Variants in RGL4 observed in about 807,000 individuals in gnomAD.
RGL4 encodes the protein ral-GDS-related protein.
A neutral mutation model predicts 49.6 loss-of-function variants in RGL4; 41 were observed. That is an observed-to-expected ratio of 0.83 (90% CI 0.64 to 1.07). The LOEUF is 1.07. RGL4 is among the 50% of genes least tolerant of loss of function. RGL4 has a pLI of 0.00. For synonymous variants in RGL4, 255 were observed against 238.0 expected (o/e 1.07, Z -0.66); for missense variants, 610 against 591.9 (o/e 1.03, Z -0.32).
chr22:23,695,874 GAGAA>G (rs747985623), intron 6 of RGL4, among the ~76,000 whole-genome samples: 9 of 152,196 alleles, frequency 5.9e-5, no homozygotes, highest in Non-Finnish European at 1.0e-4. Context: ...TTCCTCAGTG[GAGAA>G]AGAGAGAGTT....
rs146350825 is a variant in RGL4, at chr22:23,692,143, C to T, written c.113C>T (p.Thr38Met). 221 of 1,614,168 alleles carry T rather than the reference C, an allele frequency of 1.4e-4. 1 individual carries two copies. In the African/African-American group the frequency reaches 2.2e-3, roughly 16 times the overall value. Residue 38 changes from threonine (T) to methionine (M), a missense_variant, in exon 1 of 11, where the codon ACG becomes ATG. Coordinates refer to ENST00000290691, the MANE Select transcript of RGL4 (RefSeq NM_153615.2). ...EENVCGTPGR[T>M]RVCTALLYGQ... ...AATGTCTGTGGGACGCCAGGGCGCA[C>T]GAGGGTCTGTACAGCCCTGCTGTAT... is the stretch of plus-strand genomic sequence containing the variant.
Position 23,692,534 on chromosome 22 carries a change from G to A in RGL4, c.373+6G>A. 1 of 1,609,314 alleles carries A rather than the reference G, an allele frequency of 6.2e-7. No individual in the cohort carries two copies. Among genetic ancestry groups the A allele is most frequent in the African/African-American group, 1.3e-5 (1 of 74,868 alleles). On this transcript the variant is annotated splice_donor_region_variant and intron_variant, in intron 2 of 10. Coordinates refer to ENST00000290691, the MANE Select transcript of RGL4 (RefSeq NM_153615.2). ...CAACGAGGCCAAGCCAGATGGTGAG[G>A]GGGCTTGCAGTCTGCAAGACTTTCC...
rs1223463175 is a variant in RGL4 at position 23,692,371 on chromosome 22, A to AAACACTTCAGTTTACTATCAGCCC, written c.217_240dup (p.Asn73_Pro80dup). On this transcript the variant is annotated inframe_insertion, in exon 2 of 11. Coordinates refer to ENST00000290691, the MANE Select transcript of RGL4 (RefSeq NM_153615.2). ...CCATTTTGTTCAACTGGCCCCCCGA[A>AAACACTTCAGTTTACTATCAGCCC]AACACTTCAGTTTACTATCAGCCCC... 6.2e-6 allele frequency: 10 copies of AAACACTTCAGTTTACTATCAGCCC among 1,614,186 alleles called. No homozygotes were observed. The highest frequency in any genetic ancestry group is 8.5e-6 in the Non-Finnish European group (10 of 1,180,030).
Position 23,691,988 on chromosome 22 carries a change from C to G in RGL4, c.-43C>G, listed in dbSNP as rs1340971025. On this transcript the variant is annotated 5_prime_UTR_variant, in exon 1 of 11. Transcript: ENST00000290691. ...CTCCTCCCCCCGACATCTGCCCCTTCCCTCCTAACCCCAGGACCAGGGGAC... is the reference window on the plus strand; with the variant it reads ...CTCCTCCCCCCGACATCTGCCCCTTGCCTCCTAACCCCAGGACCAGGGGAC... 2 of 1,596,686 alleles carry G rather than the reference C, an allele frequency of 1.3e-6. No individual in the cohort carries two copies. Among genetic ancestry groups the G allele is most frequent in the Admixed American group, 1.7e-5 (1 of 59,434 alleles).
chr22:23,694,103 C>G (rs528727502), intron 4 of RGL4, 129 bp downstream of exon 4: 2 of 865,460 alleles, frequency 2.3e-6, no homozygotes, highest in South Asian at 1.6e-5. Flanking sequence ...GCTCTTCTTG[C>G]CAGAGCTTCA....
At position 23,695,035 on chromosome 22, in the gene RGL4, G is replaced by C. The variant is rs1923393140; in HGVS notation, c.1086+16G>C. 6.3e-7 allele frequency: 1 copy of C among 1,579,892 alleles called. No individual in the cohort carries two copies. The highest frequency in any genetic ancestry group is 1.7e-5 in the Admixed American group (1 of 59,940). ...ACTGATCAAGGTACAGTGGAGTCTG[G>C]GAGATGCAGGACAAGTGTTTAAGGG... On this transcript the variant is annotated intron_variant, in intron 6 of 10. Coordinates refer to ENST00000290691, the MANE Select transcript of RGL4 (RefSeq NM_153615.2).
chr22:23,692,406 C>G lies in RGL4; in HGVS notation c.251C>G (p.Ser84Ter), dbSNP rs770815218. The change falls in exon 2 of 11, where the codon TCA becomes TGA. Residue 84 changes from serine (S) to a stop codon, truncating the protein, a stop_gained. Transcript: ENST00000290691. LOFTEE classifies it high-confidence loss of function. ...TSVYYQPPQR[S>*]SFRIKLAFRN... The stretch of plus-strand genomic sequence containing the variant: ...GTTTACTATCAGCCCCCGCAACGGT[C>G]ATCTTTCCGGATAAAGCTGGCCTTC... The G allele has an allele frequency of 6.2e-7, 1 of 1,614,202 alleles. No individual in the cohort carries two copies. The highest frequency in any genetic ancestry group is 1.3e-5 in the African/African-American group (1 of 75,058).
chr22:23,694,706 ACT>A (rs1450394650), intron 5 of RGL4: 1 of 592,942 alleles, frequency 1.7e-6, no homozygotes, highest in African/African-American at 1.9e-5. Context: ...CAGCAGTGGA[ACT>A]CTGTGTCCAG....
chr22:23,694,928 T>G (rs772358160), intron 5 of RGL4, 22 bp from the exon 6 acceptor site: 5 of 1,603,916 alleles, frequency 3.1e-6, no homozygotes, highest in South Asian at 2.2e-5. Context: ...AATTTACCCT[T>G]CTTTCTTTCC....
chr22:23,695,404 C>T (rs537722722), intron 6 of RGL4: 9 of 524,584 alleles, frequency 1.7e-5, no homozygotes, highest in South Asian at 1.4e-4. Context: ...CTTCCTTCCT[C>T]AAACCGGCCA....
chr22:23,691,157 G>A lies in RGL4; in HGVS notation c.-874G>A, dbSNP rs1466697417. The stretch of plus-strand genomic sequence containing the variant: ...GCCTAAAACTCTGGAAAATCTGCTG[G>A]GGGTGCTGTGATTCATGTTTGTTAC... On this transcript the variant is annotated 5_prime_UTR_variant, in exon 1 of 11. Coordinates refer to ENST00000290691, the MANE Select transcript of RGL4 (RefSeq NM_153615.2). 3 of 152,302 alleles carry A rather than the reference G, an allele frequency of 2.0e-5. No homozygotes were observed. Among genetic ancestry groups the A allele is most frequent in the Admixed American group, 2.0e-4 (3 of 15,296 alleles). The allele number at this position is 152,302 out of a possible 1,614,324, so 9.4% of individuals were successfully genotyped here.
intron 10 of RGL4, 199 bp from the exon 11 acceptor site, chr22:23,698,645 G>T (rs1923686214): frequency 1.3e-6 from 1 of 758,074 alleles, no homozygotes; most frequent in Middle Eastern, 2.7e-4. Context: ...TGACGTTACA[G>T]GTGTGAGCCA....
At position 23,697,840 on chromosome 22, in the gene RGL4, C is replaced by T; in HGVS notation, c.1239C>T (p.Gly413=). 1 of 1,606,860 alleles carries T rather than the reference C, an allele frequency of 6.2e-7. No individual in the cohort carries two copies. Among genetic ancestry groups the T allele is most frequent in the Non-Finnish European group, 8.5e-7 (1 of 1,177,486 alleles). Residue 413 remains glycine, a splice_region_variant and synonymous_variant, in exon 9 of 11, where the codon GGC becomes GGT. Coordinates refer to ENST00000290691, the MANE Select transcript of RGL4 (RefSeq NM_153615.2). ...LDSAIPDDLD[G]NTNKRSKEVR... ...GATGGACTCTGTCTGCCTTCCAGGG[C>T]AACACCAACAAGAGGAGCAAGGTGA...
rs575456259 is a variant in RGL4, at chr22:23,691,802, C to A, written c.-229C>A. 6 of 491,530 alleles carry A rather than the reference C, an allele frequency of 1.2e-5. No individual in the cohort carries two copies. In the Admixed American group the frequency reaches 1.6e-4, roughly 13 times the overall value. The allele number at this position is 491,530 out of a possible 1,614,324, so 30.4% of individuals were successfully genotyped here. A position where few individuals can be genotyped will look rare whatever the true frequency, so the allele number is the denominator to read the frequency against. ...GGGCTCATACTTCTTATAATTCCCA[C>A]GAGAAGGCTGACATCTGGGGACTTC... On this transcript the variant is annotated 5_prime_UTR_variant, in exon 1 of 11. Coordinates refer to ENST00000290691, the MANE Select transcript of RGL4 (RefSeq NM_153615.2).
rs190318451 is a variant in RGL4 at position 23,692,802 on chromosome 22, T to C, written c.507T>C (p.His169=). ...CCCTGGGTCCACCAGGATATCTACA[T>C]TCAGCACCAGGGCCAGCACCAGCAC... The part of the protein sequence containing the change: ...PAALGPPGYL[H]SAPGPAPAPG... The change falls in exon 3 of 11, where the codon CAT becomes CAC. Residue 169 remains histidine (H), a synonymous_variant. Coordinates refer to ENST00000290691, the MANE Select transcript of RGL4 (RefSeq NM_153615.2). The C allele has an allele frequency of 7.4e-6, 12 of 1,613,526 alleles. No homozygotes were observed. The highest frequency in any genetic ancestry group is 2.2e-5 in the East Asian group (1 of 44,868).
chr22:23,693,962 C>A lies in RGL4; in HGVS notation c.900C>A (p.Ile300=), dbSNP rs374800672. 8.1e-6 allele frequency: 13 copies of A among 1,613,494 alleles called. No homozygotes were observed. The African/African-American group carries it at 1.6e-4, about 20-fold the overall frequency. The change falls in exon 4 of 11, where the codon ATC becomes ATA. Residue 300 remains isoleucine (I), a synonymous_variant. Transcript: ENST00000290691. Reference sequence around the variant, plus strand: ...GGGCCAGGGTGGTGGAGCACTGGATCAAGGTGGCCAGGGTAAGCTATGGTT... The same window carrying A: ...GGGCCAGGGTGGTGGAGCACTGGATAAAGGTGGCCAGGGTAAGCTATGGTT... ...RDRARVVEHW[I]KVARECLSLN...
In RGL4 at chr22:23,692,515, G is replaced by A. The variant is rs774464264; in HGVS notation, c.360G>A (p.Glu120=). The A allele has an allele frequency of 1.2e-6, 2 of 1,613,624 alleles. No homozygotes were observed. The highest frequency in any genetic ancestry group is 2.2e-5 in the South Asian group (2 of 91,078). ...LGQLVLPEPN[E]AKPDDPAPRP... ...AGTTGGTGCTTCCGGAGCCCAACGA[G>A]GCCAAGCCAGATGGTGAGGGGGCTT... The change falls in exon 2 of 11, where the codon GAG becomes GAA. Residue 120 remains glutamate, a synonymous_variant. Coordinates refer to ENST00000290691, the MANE Select transcript of RGL4 (RefSeq NM_153615.2).
intron 3 of RGL4, 134 bp downstream of exon 3, chr22:23,693,125 C>T: frequency 7.1e-7 from 1 of 1,401,244 alleles, no homozygotes; most frequent in East Asian, 2.5e-5. Flanking sequence ...GGATGAGTTT[C>T]CTCACCCACA....
In RGL4 at chr22:23,695,419, T is replaced by G. The variant is rs1378612252; in HGVS notation, c.1086+400T>G. ...CTTCCTTCCTCAAACCGGCCAGCAA[T>G]TCCTCAGGAAGCCAGGCCTCTGCTG... On this transcript the variant is annotated intron_variant, in intron 6 of 10. Transcript: ENST00000290691. 7 of 545,512 alleles carry G rather than the reference T, an allele frequency of 1.3e-5. No homozygotes were observed. The East Asian group carries it at 4.7e-4, about 36-fold the overall frequency. The allele number at this position is 545,512 out of a possible 1,614,324, so 33.8% of individuals were successfully genotyped here.
Sources: allele counts gnomAD v4.1 joint callset (sites outside exome capture counted in the v4.1 genomes callset), GRCh38; gene constraint gnomAD v4.1.1; transcripts MANE v1.5; gene names NCBI Gene and HGNC (gene_info 2026-07-23, HGNC 2026-07-21).